Variants in OLAH observed in about 807,000 individuals in gnomAD.
OLAH encodes the protein S-acyl fatty acid synthase thioesterase, medium chain.
OLAH carries 33 observed loss-of-function variants against 27.8 expected under a neutral mutation model. That is an observed-to-expected ratio of 1.19 (90% CI 0.90 to 1.59). OLAH has a LOEUF of 1.59. Among genes scored for constraint, OLAH ranks in the 40% most tolerant of loss-of-function variants. The pLI is 0.00. For missense variants in OLAH, 359 were observed against 310.8 expected (o/e 1.16, Z -1.17); for synonymous variants, 120 against 102.9 (o/e 1.17, Z -1.01).
intron 3 of OLAH, among the ~76,000 whole-genome samples, chr10:15,058,939 T>TTCCCTCTCTCCTTCCCTTCCCTCC: frequency 2.9e-5 from 2 of 67,978 alleles, no homozygotes; most frequent in Non-Finnish European, 6.3e-5. Flanking sequence ...TCCTTCCCTC[T>TTCCCTCTCTCCTTCCCTTCCCTCC]CTCCTTCCCT....
rs150151605 is a variant in OLAH at position 15,049,783 on chromosome 10, A to G, written c.163+18A>G. The G allele has an allele frequency of 3.3e-4, 536 of 1,600,180 alleles. 5 individuals carry two copies. The East Asian group carries it at 8.5e-3, about 25-fold the overall frequency. ...GCTGGAAGGTATGTTAATTTTTAAC[A>G]TCATTTAAGCAATTTAAAAGGGCAG... On this transcript the variant is annotated intron_variant, in intron 3 of 7. Coordinates refer to ENST00000378228, the MANE Select transcript of OLAH (RefSeq NM_001039702.3).
rs1218351346 is a variant in OLAH at position 15,061,757 on chromosome 10, G to C, written c.197G>C (p.Arg66Thr). 6.2e-7 allele frequency: 1 copy of C among 1,613,370 alleles called. No homozygotes were observed. The highest frequency in any genetic ancestry group is 2.2e-5 in the East Asian group (1 of 44,846). ...HSLRLPGRESRVEEPLENDIS... is the reference protein window; with the variant it reads ...HSLRLPGRESTVEEPLENDIS... ...TTAAGGCTTCCTGGAAGAGAAAGCA[G>C]AGTTGAAGAACCTCTTGAAAATGAC... is the stretch of plus-strand genomic sequence containing the variant. Residue 66 changes from arginine to threonine, a missense_variant, in exon 4 of 8, where the codon AGA becomes ACA. By Grantham distance (71) the Arg-to-Thr change is moderately conservative (BLOSUM62 -1). Transcript: ENST00000378228.
intron 4 of OLAH, among the ~76,000 whole-genome samples, chr10:15,062,831 T>C (rs1589250365): frequency 6.6e-6 from 1 of 151,694 alleles, no homozygotes; most frequent in East Asian, 1.9e-4. Context: ...CTACACCTCA[T>C]GGGTTCAAGC....
chr10:15,047,808 C>T (rs980050069), intron 2 of OLAH, among the ~76,000 whole-genome samples: 6 of 152,004 alleles, frequency 3.9e-5, no homozygotes, highest in African/African-American at 1.2e-4. Flanking sequence ...AATTATCCAC[C>T]CCCCCAAAAA....
At chr10:15,047,689 C>G (rs1844048627) in intron 2 of OLAH, among the ~76,000 whole-genome samples, 1 of 151,922 alleles carries the variant, frequency 6.6e-6, no homozygotes, top group Non-Finnish European at 1.5e-5. Context: ...TGGTTGACAG[C>G]AAGAATCCAT....
chr10:15,043,596 T>A (rs745885918), upstream of OLAH, among the ~76,000 whole-genome samples: 53 of 151,450 alleles, frequency 3.5e-4, no homozygotes, highest in South Asian at 1.5e-3. Flanking sequence ...TGCCTCAGCC[T>A]CCTCAGTAGC....
At chr10:15,058,368 T>C (rs1168539531) in intron 3 of OLAH, among the ~76,000 whole-genome samples, 2 of 152,098 alleles carry the variant, frequency 1.3e-5, no homozygotes, top group Non-Finnish European at 2.9e-5. Flanking sequence ...GCTGGAATTA[T>C]AGGCATGAGC....
At chr10:15,038,884 G>A (rs1270330871) in intron 1 of OLAH, among the ~76,000 whole-genome samples, 2 of 152,132 alleles carry the variant, frequency 1.3e-5, no homozygotes, top group Middle Eastern at 6.3e-3. Context: ...GTTAGTACCA[G>A]TACTGCCCTG....
intron 3 of OLAH, among the ~76,000 whole-genome samples, chr10:15,060,052 C>A (rs1844332590): frequency 6.6e-6 from 1 of 151,308 alleles, no homozygotes; most frequent in Admixed American, 6.6e-5. Context: ...TTCTGTTTCC[C>A]TCTTCTCTTC....
rs1843813090 is a variant in OLAH at position 15,034,669 on chromosome 10, T to C, written c.-164+2319T>C. 2.6e-5 allele frequency among the ~76,000 whole-genome samples: 4 copies of C among 152,286 alleles called. No individual in the cohort carries two copies. The South Asian group carries it at 6.2e-4, about 24-fold the overall frequency. ...CTTGCAGGTGTGCTCTGTGATGGACTAATCAGTTATGGTCTTGGGAGCTCA... is the reference window on the plus strand; with the variant it reads ...CTTGCAGGTGTGCTCTGTGATGGACCAATCAGTTATGGTCTTGGGAGCTCA... On this transcript the variant is annotated intron_variant, in intron 1 of 3. Coordinates refer to the OLAH transcript ENST00000413672.
chr10:15,038,525 T>C (rs1843875644), intron 1 of OLAH: 1 of 152,076 alleles, frequency 6.6e-6, no homozygotes, highest in African/African-American at 2.4e-5. Context: ...CCTGTGCTAT[T>C]TTTGTGTTAG....
intron 6 of OLAH, among the ~76,000 whole-genome samples, chr10:15,067,652 C>A (rs965462055): frequency 6.6e-6 from 1 of 152,178 alleles, no homozygotes; most frequent in African/African-American, 2.4e-5. Context: ...TAGTTACTCA[C>A]AAATTTTAAC....
intron 1 of OLAH, among the ~76,000 whole-genome samples, chr10:15,037,949 C>G (rs1390560659): frequency 6.6e-6 from 1 of 152,248 alleles, no homozygotes; most frequent in Non-Finnish European, 1.5e-5. Context: ...AGGAAAAACC[C>G]TGCTCCAGCC....
chr10:15,060,520 C>A (rs1844342393), intron 3 of OLAH, among the ~76,000 whole-genome samples: 1 of 151,802 alleles, frequency 6.6e-6, no homozygotes, highest in South Asian at 2.1e-4. Flanking sequence ...GTTCACTGAT[C>A]TTTTTCTTCT....
rs564556335 is a variant in OLAH, at chr10:15,059,774, C to A, written c.164-1950C>A. Among the ~76,000 whole-genome samples the A allele has an allele frequency of 3.1e-3, 467 of 152,124 alleles. 2 individuals carry two copies. The highest frequency in any genetic ancestry group is 0.011 in the African/African-American group (442 of 41,494). On this transcript the variant is annotated intron_variant, in intron 3 of 7. Coordinates refer to ENST00000378228, the MANE Select transcript of OLAH (RefSeq NM_001039702.3). Reference sequence around the variant, plus strand: ...TGAGCCAAGATGGCACCACTACAATCCAGCCTGAGAAAGAGTGCAAGACTC... The same window carrying A: ...TGAGCCAAGATGGCACCACTACAATACAGCCTGAGAAAGAGTGCAAGACTC...
chr10:15,049,490 T>C, intron 2 of OLAH, 145 bp from the exon 3 acceptor site: 1 of 510,030 alleles, frequency 2.0e-6, no homozygotes, highest in Non-Finnish European at 3.2e-6. Context: ...TTTTGCCCTT[T>C]CTTATTGGAA....
chr10:15,041,930 G>T (rs765563063), upstream of OLAH, among the ~76,000 whole-genome samples: 2 of 151,794 alleles, frequency 1.3e-5, no homozygotes, highest in Non-Finnish European at 2.9e-5. Context: ...GCCCAGTTAC[G>T]TCTTTGTCCT....
chr10:15,063,484 G>T (rs1021429084), intron 4 of OLAH, among the ~76,000 whole-genome samples: 3 of 152,126 alleles, frequency 2.0e-5, no homozygotes, highest in African/African-American at 7.2e-5. Flanking sequence ...CACTCCATGC[G>T]CAATGAACAT....
intron 3 of OLAH, among the ~76,000 whole-genome samples, chr10:15,052,231 C>T (rs1844157211): frequency 6.6e-6 from 1 of 152,024 alleles, no homozygotes; most frequent in African/African-American, 2.4e-5. Context: ...TGCTGCGAGC[C>T]GAGATCATGC....
Sources: gnomAD v4.1 joint callset for allele counts (sites outside exome capture counted in the v4.1 genomes callset) on GRCh38, gnomAD v4.1.1 for gene constraint, MANE v1.5 for transcripts, NCBI Gene and HGNC (gene_info 2026-07-23, HGNC 2026-07-21) for gene names.